Variants in SELENOO observed in about 807,000 individuals in gnomAD.
SELENOO encodes the protein selenoprotein O, also known as protein adenylyltransferase SelO, mitochondrial.
Under a neutral mutation model 58.7 loss-of-function variants are expected in SELENOO, and 74 were observed. The observed-to-expected ratio is 1.26, with a 90% confidence interval of 1.04 to 1.53. The LOEUF is 1.53. Ranked by LOEUF, SELENOO falls within the 40% of genes most tolerant of loss-of-function variation. The pLI, the probability that SELENOO is intolerant of heterozygous loss-of-function variation, is 0.00. For synonymous variants in SELENOO, 543 were observed against 453.2 expected (o/e 1.20, Z -2.52); for missense variants, 1,149 against 970.0 (o/e 1.18, Z -2.45).
At chr22:50,212,262 C>G (rs531696611) in intron 5 of SELENOO, among the ~76,000 whole-genome samples, 3 of 152,148 alleles carry the variant, frequency 2.0e-5, no homozygotes, top group Admixed American at 1.3e-4. Context: ...CCATCTGGTC[C>G]TGGGCTTTTC....
At chr22:50,213,796 T>C (rs970600911) in intron 5 of SELENOO, among the ~76,000 whole-genome samples, 14 of 127,086 alleles carry the variant, frequency 1.1e-4, no homozygotes, top group Admixed American at 8.7e-4. Context: ...TACAGGCGCC[T>C]GCCACCACGC....
At position 50,216,755 on chromosome 22, in the gene SELENOO, C is replaced by T. The variant is rs764320723; in HGVS notation, c.1567C>T (p.Arg523Trp). Residue 523 changes from arginine to tryptophan, a missense_variant, in exon 7 of 9, where the codon CGG becomes TGG. Arg to Trp is a moderately radical substitution (Grantham distance 101, BLOSUM62 -3). Coordinates refer to ENST00000380903, the MANE Select transcript of SELENOO (RefSeq NM_031454.2). ...NPQLFALMGTRAGIARELERV... is the reference protein window; with the variant it reads ...NPQLFALMGTWAGIARELERV... ...GCAGCTGTTCGCGCTTATGGGCACCCGGGCAGGCATCGCCAGGGAGCTGGA... is the reference window on the plus strand; with the variant it reads ...GCAGCTGTTCGCGCTTATGGGCACCTGGGCAGGCATCGCCAGGGAGCTGGA... 6.2e-6 allele frequency: 10 copies of T among 1,607,528 alleles called. No individual in the cohort carries two copies. Among genetic ancestry groups the T allele is most frequent in the South Asian group, 1.1e-5 (1 of 90,802 alleles).
intron 6 of SELENOO, among the ~76,000 whole-genome samples, chr22:50,216,172 A>G (rs2064409113): frequency 6.6e-6 from 1 of 152,194 alleles, no homozygotes; most frequent in Non-Finnish European, 1.5e-5. Flanking sequence ...AAGCTTTCCC[A>G]CACCATCTTC....
intron 6 of SELENOO, 108 bp from the exon 7 acceptor site, chr22:50,216,583 T>C (rs993647996): frequency 2.2e-5 from 24 of 1,101,480 alleles, no homozygotes; most frequent in African/African-American, 1.9e-4. Flanking sequence ...GCTTGGGCCC[T>C]TGGACTCTAG....
At chr22:50,206,763 C>T (rs1007485019) in intron 2 of SELENOO, among the ~76,000 whole-genome samples, 19 of 152,216 alleles carry the variant, frequency 1.2e-4, no homozygotes, top group Non-Finnish European at 2.8e-4. Context: ...TTGTGCTGAG[C>T]CCTCCCACGT....
chr22:50,210,814 C>T lies in SELENOO; in HGVS notation c.1254C>T (p.Tyr418=), dbSNP rs779011807. The change falls in exon 5 of 9, where the codon TAC becomes TAT. Residue 418 remains tyrosine (Y), a synonymous_variant. Coordinates refer to ENST00000380903, the MANE Select transcript of SELENOO (RefSeq NM_031454.2). ...EEFDAEFQRH[Y]LQKMRRKLGL... Reference sequence around the variant, plus strand: ...TTGACGCCGAGTTCCAAAGGCACTACCTGCAGAAGATGCGCAGGAAGCTGG... The same window carrying T: ...TTGACGCCGAGTTCCAAAGGCACTATCTGCAGAAGATGCGCAGGAAGCTGG... The T allele has an allele frequency of 7.2e-5, 117 of 1,613,932 alleles. No individual in the cohort carries two copies. Among genetic ancestry groups the T allele is most frequent in the South Asian group, 4.1e-4 (37 of 91,088 alleles).
intron 3 of SELENOO, 91 bp from the exon 4 acceptor site, chr22:50,210,090 A>G: frequency 6.7e-7 from 1 of 1,493,120 alleles, no homozygotes; most frequent in South Asian, 1.2e-5. Flanking sequence ...TCAGCGAAGC[A>G]CAGCCGGTTT....
chr22:50,201,225 G>C lies in SELENOO; in HGVS notation c.189G>C (p.Pro63=), dbSNP rs2064296893. The part of the protein sequence containing the change: ...RALRALPVEA[P]PPGPEGAPSA... ...TGCGCGCCCTGCCCGTGGAGGCGCCGCCGCCCGGTCCCGAGGGCGCCCCGT... is the reference window on the plus strand; with the variant it reads ...TGCGCGCCCTGCCCGTGGAGGCGCCCCCGCCCGGTCCCGAGGGCGCCCCGT... Residue 63 remains proline (P), a synonymous_variant, in exon 1 of 9, where the codon CCG becomes CCC. Coordinates refer to ENST00000380903, the MANE Select transcript of SELENOO (RefSeq NM_031454.2). The C allele has an allele frequency of 8.6e-7, 1 of 1,157,160 alleles. No individual in the cohort carries two copies. The highest frequency in any genetic ancestry group is 1.6e-5 in the African/African-American group (1 of 60,878). The allele number at this position is 1,157,160 out of a possible 1,614,324, so 71.7% of individuals were successfully genotyped here. A position where few individuals can be genotyped will look rare whatever the true frequency, so the allele number is the denominator to read the frequency against.
In SELENOO at chr22:50,215,620, C is replaced by G; in HGVS notation, c.1352-97C>G. On this transcript the variant is annotated intron_variant, in intron 5 of 8. Transcript: ENST00000380903. ...AGCATGTGGGTGGGTCCATGCAGCA[C>G]CTGTGCCAGGGGGGTGGGGGGGGGG... 5.6e-6 allele frequency: 6 copies of G among 1,064,182 alleles called. No homozygotes were observed. The East Asian group carries it at 1.3e-4, about 24-fold the overall frequency. The allele number at this position is 1,064,182 out of a possible 1,614,324, so 65.9% of individuals were successfully genotyped here.
intron 4 of SELENOO, 112 bp downstream of exon 4, chr22:50,210,423 G>A: frequency 7.1e-7 from 1 of 1,418,272 alleles, no homozygotes; most frequent in Non-Finnish European, 9.6e-7. Context: ...GGGAGCCGAG[G>A]GGGCTGGGGG....
intron 5 of SELENOO, among the ~76,000 whole-genome samples, chr22:50,215,124 G>T (rs2064396467): frequency 6.6e-6 from 1 of 152,164 alleles, no homozygotes; most frequent in South Asian, 2.1e-4. Context: ...TGTGGTTTCA[G>T]ACAGTGTTTT....
Position 50,217,500 on chromosome 22 carries a change from G to T in SELENOO, c.*131G>T. The T allele has an allele frequency of 1.7e-6, 2 of 1,201,384 alleles. No homozygotes were observed. The highest frequency in any genetic ancestry group is 2.3e-6 in the Non-Finnish European group (2 of 859,602). 74.4% of individuals were successfully genotyped at this position (1,201,384 alleles called of 1,614,324 possible). A position where few individuals can be genotyped will look rare whatever the true frequency, so the allele number is the denominator to read the frequency against. On this transcript the variant is annotated 3_prime_UTR_variant, in exon 9 of 9. Transcript: ENST00000380903. ...GGCCCATGCACACCCGTCTTTCCAT[G>T]ATGGCAGAGACATCCAGTCAGGACC...
At chr22:50,210,967 G>C (rs2064367806) in intron 5 of SELENOO, 56 bp downstream of exon 5, 1 of 1,596,252 alleles carries the variant, frequency 6.3e-7, no homozygotes, top group Non-Finnish European at 8.6e-7. Flanking sequence ...TGTGCTTAGA[G>C]ATGGTTTACC....
chr22:50,217,324 G>GC lies in SELENOO; in HGVS notation c.1970dup (p.Leu658AlafsTer32), dbSNP rs1569106378. 5.0e-6 allele frequency: 8 copies of GC among 1,612,944 alleles called. No homozygotes were observed. The highest frequency in any genetic ancestry group is 6.8e-6 in the Non-Finnish European group (8 of 1,179,942). On this transcript the variant is annotated frameshift_variant, in exon 9 of 9. Coordinates refer to ENST00000380903, the MANE Select transcript of SELENOO (RefSeq NM_031454.2). LOFTEE classifies it high-confidence loss of function. ...GCAGGCAGCGCTCCTACAGCAGTAA[G>GC]CCCCCGCTCTGGGCAGCAGAACTGT... is the stretch of plus-strand genomic sequence containing the variant.
intron 2 of SELENOO, among the ~76,000 whole-genome samples, chr22:50,208,177 A>G (rs1447820768): frequency 6.6e-6 from 1 of 152,168 alleles, no homozygotes; most frequent in Non-Finnish European, 1.5e-5. Flanking sequence ...CACGCCTGTA[A>G]TCCCAGCACT....
chr22:50,209,382 C>G (rs906554337), intron 3 of SELENOO: 2 of 152,474 alleles, frequency 1.3e-5, no homozygotes, highest in Non-Finnish European at 2.9e-5. Flanking sequence ...GGGCTGCCGT[C>G]AGCAGAAGCT....
Position 50,216,793 on chromosome 22 carries a change from G to T in SELENOO, c.1605G>T (p.Gln535His). The T allele has an allele frequency of 6.2e-7, 1 of 1,609,214 alleles. No individual in the cohort carries two copies. Among genetic ancestry groups the T allele is most frequent in the Middle Eastern group, 1.9e-4 (1 of 5,184 alleles). The change falls in exon 7 of 9, where the codon CAG becomes CAT. Residue 535 changes from glutamine to histidine, a missense_variant. Transcript: ENST00000380903. ...GIARELERVE[Q>H]QSRLEQLSAA... ...CCAGGGAGCTGGAGCGTGTGGAGCA[G>T]CAGTCTCGGCTGGAGCAGCTGAGTG...
Position 50,208,692 on chromosome 22 carries a change from G to A in SELENOO, c.915G>A (p.Gln305=). The change falls in exon 3 of 9, where the codon CAG becomes CAA. Residue 305 remains glutamine (Q), a synonymous_variant. Transcript: ENST00000380903. ...IQAAHASDSV[Q]RNAAFFREVT... is the part of the protein sequence containing the mutation. The stretch of plus-strand genomic sequence containing the variant: ...CTGCTCATGCCAGCGACAGCGTGCA[G>A]AGAAATGCTGCCTTCTTCCGGGAGG... The A allele has an allele frequency of 1.9e-6, 3 of 1,613,136 alleles. No homozygotes were observed. The highest frequency in any genetic ancestry group is 2.5e-6 in the Non-Finnish European group (3 of 1,179,764).
chr22:50,210,730 C>A lies in SELENOO; in HGVS notation c.1170C>A (p.Ala390=). Residue 390 remains alanine (A), a synonymous_variant, in exon 5 of 9, where the codon GCC becomes GCA. Coordinates refer to ENST00000380903, the MANE Select transcript of SELENOO (RefSeq NM_031454.2). Reference sequence around the variant, plus strand: ...GCAGGTGGAACCTGCGGAAGCTGGCCGAGGCCCTGCAGCCGGAACTGCCCC... The same window carrying A: ...GCAGGTGGAACCTGCGGAAGCTGGCAGAGGCCCTGCAGCCGGAACTGCCCC... ...EVCRWNLRKL[A]EALQPELPLE... 1.2e-6 allele frequency: 2 copies of A among 1,613,474 alleles called. No homozygotes were observed. Among genetic ancestry groups the A allele is most frequent in the Non-Finnish European group, 1.7e-6 (2 of 1,180,004 alleles).
Sources: gnomAD v4.1 joint callset for allele counts (sites outside exome capture counted in the v4.1 genomes callset) on GRCh38, gnomAD v4.1.1 for gene constraint, MANE v1.5 for transcripts, NCBI Gene and HGNC (gene_info 2026-07-23, HGNC 2026-07-21) for gene names.